CARD14: variants seen among roughly 807,000 people sequenced by gnomAD.
CARD14 encodes caspase recruitment domain-containing protein 14.
Under a neutral mutation model 111.5 loss-of-function variants are expected in CARD14, and 107 were observed. The ratio of observed to expected loss-of-function variants is 0.96; its 90% CI spans 0.82 to 1.13. The LOEUF is 1.13. Among genes scored for constraint, CARD14 ranks in the 50% most tolerant of loss-of-function variants. CARD14 has a pLI of 0.00. For synonymous variants in CARD14, 617 were observed against 579.6 expected, an observed-to-expected ratio of 1.06 and a Z score of -0.93; for missense variants, 1,322 against 1,362.3, an observed-to-expected ratio of 0.97 and a Z score of 0.47.
intron 2 of CARD14, among the ~76,000 whole-genome samples, chr17:80,176,480 C>T (rs1291011908): frequency 1.3e-5 from 2 of 149,618 alleles, no homozygotes; most frequent in African/African-American, 2.5e-5. Context: ...ATAACCCATA[C>T]GGCACACAAT....
chr17:80,170,411 A>G (rs1358002317), intron 1 of CARD14: 1 of 152,240 alleles, frequency 6.6e-6, no homozygotes, highest in Admixed American at 6.5e-5. Flanking sequence ...AGTTCAGAAC[A>G]AAGTGAGCAA....
chr17:80,207,025 T>C lies in CARD14; in HGVS notation c.2747T>C (p.Met916Thr), dbSNP rs1351049921. ...GACAGTGTCTGCACCCTGCACAGGA[T>C]GGACATCTTCCCCATCGTCATCCAC... Reference protein sequence around the residue: ...QLDSVCTLHRMDIFPIVIHVS... With the variant: ...QLDSVCTLHRTDIFPIVIHVS... Residue 916 changes from methionine (M) to threonine (T), a missense_variant, in exon 23 of 24, where the codon ATG becomes ACG. Met to Thr is a moderately conservative substitution (Grantham distance 81). Transcript: ENST00000648509. 3 of 1,614,066 alleles carry C rather than the reference T, an allele frequency of 1.9e-6. No individual in the cohort carries two copies. Among genetic ancestry groups the C allele is most frequent in the Non-Finnish European group, 2.5e-6 (3 of 1,179,982 alleles).
chr17:80,188,622 G>A lies in CARD14; in HGVS notation c.843+78G>A, dbSNP rs1282362312. ...CCTCAGGCTGTGGGGTTTCTGACAG[G>A]TGGTTTAGTTAAGGTGAGGCTAAGA... is the stretch of plus-strand genomic sequence containing the variant. On this transcript the variant is annotated intron_variant, in intron 8 of 23. Transcript: ENST00000648509. This position sits in a 1 kb window ranked among gnomAD's most constrained non-coding sequence, Gnocchi z 4.5. The A allele has an allele frequency of 3.0e-6, 4 of 1,338,278 alleles. No homozygotes were observed. In the South Asian group the frequency reaches 6.4e-5, roughly 22 times the overall value. 82.9% of individuals were successfully genotyped at this position (1,338,278 alleles called of 1,614,324 possible). A position where few individuals can be genotyped will look rare whatever the true frequency, so the allele number is the denominator to read the frequency against.
chr17:80,172,328 T>C (rs1270531575), intron 1 of CARD14, among the ~76,000 whole-genome samples: 3 of 152,156 alleles, frequency 2.0e-5, no homozygotes, highest in Admixed American at 6.5e-5. Flanking sequence ...TGGGGGCAAA[T>C]ACTGGGATTT....
At chr17:80,187,358 G>A (rs1420611144) in intron 7 of CARD14, among the ~76,000 whole-genome samples, 1 of 152,254 alleles carries the variant, frequency 6.6e-6, no homozygotes, top group Non-Finnish European at 1.5e-5. Flanking sequence ...CAAACACTGT[G>A]TTTGTGAGTC....
At chr17:80,206,035 G>A (rs114951530) in intron 22 of CARD14, 1,913 of 178,126 alleles carry the variant, frequency 0.011, 38 homozygotes, top group African/African-American at 0.042. Context: ...TGGCATCTGC[G>A]TGCCTCCTGT....
intron 7 of CARD14, among the ~76,000 whole-genome samples, chr17:80,185,923 C>T (rs1170236741): frequency 2.0e-5 from 3 of 152,382 alleles, no homozygotes; most frequent in South Asian, 4.1e-4. Flanking sequence ...CGAGGGCTCT[C>T]GAGGTCCTGT....
rs1567903410 is a variant in CARD14, at chr17:80,205,091, G to C, written c.2455G>C (p.Val819Leu). The change falls in exon 21 of 24, where the codon GTG becomes CTG. Residue 819 changes from valine to leucine, a missense_variant. Physicochemically the swap from Val to Leu is conservative, Grantham distance 32. Transcript: ENST00000648509. ...SCLTLVPYTLVRPHRPARPRP... is the reference protein window; with the variant it reads ...SCLTLVPYTLLRPHRPARPRP... ...CCTCACCCTGGTGCCCTATACCCTG[G>C]TGCGGCCCCATCGACCCGCCCGGCC... 6.2e-7 allele frequency: 1 copy of C among 1,613,204 alleles called. No homozygotes were observed.
intron 4 of CARD14, among the ~76,000 whole-genome samples, chr17:80,180,694 T>C (rs574379540): frequency 6.6e-6 from 1 of 152,162 alleles, no homozygotes; most frequent in East Asian, 1.9e-4. Flanking sequence ...TTACCTTTCA[T>C]AAAGAACTTA....
At position 80,182,579 on chromosome 17, in the gene CARD14, T is replaced by TG. The variant is rs975850621; in HGVS notation, c.212-70dup. 4 of 1,566,316 alleles carry TG rather than the reference T, an allele frequency of 2.6e-6. No individual in the cohort carries two copies. Among genetic ancestry groups the TG allele is most frequent in the Non-Finnish European group, 3.5e-6 (4 of 1,148,174 alleles). ...TTCCCAGCCCCAGGCCTCTCCCCCG[T>TG]GGGGAAGCCAGCCAGGGAGCCCAGC... On this transcript the variant is annotated intron_variant, in intron 5 of 23. Coordinates refer to ENST00000648509, the MANE Select transcript of CARD14 (RefSeq NM_001366385.1). The surrounding 1 kb of genome is among the most constrained non-coding windows in gnomAD (Gnocchi z 4.7).
chr17:80,183,220 C>T (rs536229523), intron 6 of CARD14, among the ~76,000 whole-genome samples: 3 of 152,304 alleles, frequency 2.0e-5, no homozygotes, highest in South Asian at 4.1e-4. Flanking sequence ...GGCAGGGCCG[C>T]GGAGCCTTCT....
At chr17:80,176,540 G>A (rs1203641165) in intron 2 of CARD14, among the ~76,000 whole-genome samples, 4 of 150,662 alleles carry the variant, frequency 2.7e-5, no homozygotes, top group Admixed American at 6.6e-5. Context: ...TGCAATCGCC[G>A]CCACAGTTAA....
In CARD14 at chr17:80,198,697, A is replaced by T. The variant is rs745842914; in HGVS notation, c.1851+106A>T. Reference sequence around the variant, plus strand: ...CACCTCCCCCAGACGATGCAGATCCACTCTGGGCTGGGCCTCTGCTCTTTC... The same window carrying T: ...CACCTCCCCCAGACGATGCAGATCCTCTCTGGGCTGGGCCTCTGCTCTTTC... On this transcript the variant is annotated intron_variant, in intron 16 of 23. Transcript: ENST00000648509. This position sits in a 1 kb window ranked among gnomAD's most constrained non-coding sequence, Gnocchi z 7.5. 4.4e-5 allele frequency: 71 copies of T among 1,599,026 alleles called. 1 individual carries two copies. The East Asian group carries it at 1.6e-3, about 35-fold the overall frequency.
intron 16 of CARD14, among the ~76,000 whole-genome samples, chr17:80,199,878 A>G (rs1386955842): frequency 6.6e-6 from 1 of 152,080 alleles, no homozygotes; most frequent in Admixed American, 6.6e-5. Context: ...TCGGTCTCAA[A>G]AAAGAAAAAA....
intron 4 of CARD14, among the ~76,000 whole-genome samples, chr17:80,181,110 A>T (rs962923618): frequency 6.6e-6 from 1 of 151,612 alleles, no homozygotes; most frequent in South Asian, 2.1e-4. Context: ...AAAAGTATTT[A>T]TTTACTTTAA....
At chr17:80,190,997 C>T in intron 10 of CARD14, 98 bp downstream of exon 10, 1 of 1,479,242 alleles carries the variant, frequency 6.8e-7, no homozygotes, top group Non-Finnish European at 9.1e-7. Context: ...CCCTTGATGG[C>T]AGCTGGTCCC....
rs1315315708 is a variant in CARD14 at position 80,206,882 on chromosome 17, G to A, written c.2692-88G>A. 15 of 830,130 alleles carry A rather than the reference G, an allele frequency of 1.8e-5. 1 individual carries two copies. In the East Asian group the frequency reaches 2.6e-4, roughly 14 times the overall value. 51.4% of individuals were successfully genotyped at this position (830,130 alleles called of 1,614,324 possible). Reference sequence around the variant, plus strand: ...CTCCTGCCCTGCCCTCAGCCTGTCCGGAGGGCCCTTCTGACCTGGGCGTTG... The same window carrying A: ...CTCCTGCCCTGCCCTCAGCCTGTCCAGAGGGCCCTTCTGACCTGGGCGTTG... On this transcript the variant is annotated intron_variant, in intron 22 of 23. Coordinates refer to ENST00000648509, the MANE Select transcript of CARD14 (RefSeq NM_001366385.1).
At chr17:80,174,807 T>G (rs968565176) in intron 2 of CARD14, among the ~76,000 whole-genome samples, 7 of 152,062 alleles carry the variant, frequency 4.6e-5, no homozygotes, top group Non-Finnish European at 8.8e-5. Flanking sequence ...CTGGGGCGTT[T>G]TCTCTGACTT....
Position 80,188,423 on chromosome 17 carries a change from C to T in CARD14, c.722C>T (p.Ser241Phe). 1.2e-6 allele frequency: 2 copies of T among 1,610,884 alleles called. No homozygotes were observed. The highest frequency in any genetic ancestry group is 1.3e-5 in the African/African-American group (1 of 74,936). ...QELQRANMVS[S>F]CELELQEQSL... is the part of the protein sequence containing the mutation. ...CTGCAGCGAGCCAACATGGTTTCCT[C>T]CTGTGAGCTGGAATTGCAAGAGCAG... Residue 241 changes from serine to phenylalanine, a missense_variant, in exon 8 of 24, where the codon TCC (serine) becomes TTC (phenylalanine). Coordinates refer to ENST00000648509, the MANE Select transcript of CARD14 (RefSeq NM_001366385.1). This position sits in a 1 kb window ranked among gnomAD's most constrained non-coding sequence, Gnocchi z 4.5.
Sources: gnomAD v4.1 joint callset for allele counts (sites outside exome capture counted in the v4.1 genomes callset) on GRCh38, gnomAD v4.1.1 for gene constraint, Gnocchi (gnomAD v3.1) non-coding constraint, MANE v1.5 for transcripts, NCBI Gene and HGNC (gene_info 2026-07-23, HGNC 2026-07-21) for gene names.